The following MAP4K5 variants were observed in gnomAD, a reference collection of about 807,000 sequenced individuals.
The protein encoded by MAP4K5 is MAPK/ERK kinase kinase kinase 5.
MAP4K5 carries 82 observed loss-of-function variants against 135.6 expected under a neutral mutation model. The observed-to-expected ratio is 0.60, with a 90% CI of 0.51 to 0.73. The LOEUF is 0.73. Ranked by LOEUF, MAP4K5 falls within the 30% of genes least tolerant of loss-of-function variation. MAP4K5 has a pLI of 0.00. For missense variants in MAP4K5, 907 were observed against 1,010.9 expected (o/e 0.90, Z 1.39); for synonymous variants, 347 against 335.0 (o/e 1.04, Z -0.39).
chr14:50,446,076 C>T lies in MAP4K5; in HGVS notation c.1185+3G>A. On this transcript the variant is annotated splice_donor_region_variant and intron_variant, in intron 17 of 32. Transcript: ENST00000682126. ...TAGTGTTCAAAATCATTAAGTAGCT[C>T]ACCTTAGGAGGTAGGGGAGGTGGTA... is the stretch of plus-strand genomic sequence containing the variant. 1 of 1,540,328 alleles carries T rather than the reference C, an allele frequency of 6.5e-7. No individual in the cohort carries two copies. Among genetic ancestry groups the T allele is most frequent in the Non-Finnish European group, 8.7e-7 (1 of 1,144,670 alleles).
chr14:50,466,831 G>T (rs912763034), intron 10 of MAP4K5, among the ~76,000 whole-genome samples, 186 bp from the exon 11 acceptor site: 1 of 152,078 alleles, frequency 6.6e-6, no homozygotes, highest in Non-Finnish European at 1.5e-5. Flanking sequence ...CTTGACTACA[G>T]AGAAGATTTT....
At chr14:50,487,864 T>C (rs1361567160) in intron 3 of MAP4K5, among the ~76,000 whole-genome samples, 1 of 152,160 alleles carries the variant, frequency 6.6e-6, no homozygotes, top group Non-Finnish European at 1.5e-5. Flanking sequence ...TTTTCCATCA[T>C]AGCATTAAAA....
intron 30 of MAP4K5, among the ~76,000 whole-genome samples, chr14:50,427,874 T>A (rs9323185): frequency 0.99 from 151,415 of 152,376 alleles, 75,242 homozygotes; most frequent in Middle Eastern, 1. Context: ...ATAAAAATAG[T>A]TCCAAAAGCA....
chr14:50,451,638 T>C (rs562955972), intron 14 of MAP4K5, among the ~76,000 whole-genome samples: 97 of 152,206 alleles, frequency 6.4e-4, no homozygotes, highest in Non-Finnish European at 1.3e-3. Context: ...AATACTCATG[T>C]AGAAGAACTT....
Position 50,440,079 on chromosome 14 carries a change from AAAAAGAAGATAAT to A in MAP4K5, c.1645-19_1645-7del. The A allele has an allele frequency of 6.9e-7, 1 of 1,441,194 alleles. No individual in the cohort carries two copies. The highest frequency in any genetic ancestry group is 9.6e-7 in the Non-Finnish European group (1 of 1,047,006). 89.3% of individuals were successfully genotyped at this position (1,441,194 alleles called of 1,614,324 possible). ...GTACACTTCCGTGGAAATAACTAAG[AAAAAGAAGATAAT>A]TAAGATTCTCTCATTGTCATTATTT... On this transcript the variant is annotated splice_polypyrimidine_tract_variant and splice_region_variant and intron_variant, in intron 22 of 32. Transcript: ENST00000682126.
intron 12 of MAP4K5, 110 bp downstream of exon 12, chr14:50,463,942 T>G: frequency 4.8e-6 from 2 of 419,102 alleles, no homozygotes; most frequent in Non-Finnish European, 4.2e-6. Flanking sequence ...TGCTGACCCC[T>G]GCTGTAAGAG....
intron 6 of MAP4K5, among the ~76,000 whole-genome samples, chr14:50,476,721 C>G (rs2037108521): frequency 6.6e-6 from 1 of 152,236 alleles, no homozygotes; most frequent in Admixed American, 6.5e-5. Flanking sequence ...CTCAGCCTCC[C>G]AAAGTGGTGG....
intron 11 of MAP4K5, among the ~76,000 whole-genome samples, chr14:50,466,240 A>C (rs2036830232): frequency 6.6e-6 from 1 of 151,766 alleles, no homozygotes; most frequent in African/African-American, 2.4e-5. Context: ...AAACTTAGCC[A>C]GTTGTGGTGG....
At chr14:50,532,928 C>G (rs2038436964), upstream of MAP4K5, 1 of 152,300 alleles carries the variant, frequency 6.6e-6, no homozygotes, top group African/African-American at 2.4e-5. Flanking sequence ...CGTAGCCCTC[C>G]AAGTTAAACA....
At chr14:50,522,859 GATTTTTAGGC>G (rs1183772314) in intron 2 of MAP4K5, among the ~76,000 whole-genome samples, 2 of 152,160 alleles carry the variant, frequency 1.3e-5, no homozygotes, top group African/African-American at 4.8e-5. Context: ...ATTACCTTCA[GATTTTTAGGC>G]ATTGGACTAG....
intron 3 of MAP4K5, among the ~76,000 whole-genome samples, chr14:50,486,599 C>A (rs932605023): frequency 2.0e-5 from 3 of 152,018 alleles, no homozygotes; most frequent in East Asian, 1.9e-4. Context: ...CCTTTTTGGT[C>A]TGTATTTTAC....
intron 26 of MAP4K5, among the ~76,000 whole-genome samples, chr14:50,435,813 G>A (rs1373934829): frequency 3.3e-5 from 5 of 151,868 alleles, no homozygotes; most frequent in Admixed American, 3.3e-4. Context: ...AATTCATATT[G>A]CTCTTTCCTT....
intron 31 of MAP4K5, 81 bp from the exon 32 acceptor site, chr14:50,423,257 T>G: frequency 1.7e-6 from 1 of 601,942 alleles, no homozygotes; most frequent in Non-Finnish European, 3.0e-6. Flanking sequence ...TTAGAGCAAT[T>G]ATTAACACAA....
At chr14:50,422,467 A>T (rs1198848543) in intron 32 of MAP4K5, among the ~76,000 whole-genome samples, 1 of 152,098 alleles carries the variant, frequency 6.6e-6, no homozygotes, top group Non-Finnish European at 1.5e-5. Context: ...AATGCATACC[A>T]CTATAGCCAA....
At chr14:50,504,679 T>G (rs2037772567) in intron 3 of MAP4K5, 121 bp downstream of exon 3, 1 of 708,144 alleles carries the variant, frequency 1.4e-6, no homozygotes, top group Admixed American at 3.5e-5. Flanking sequence ...TTCAGGGTAA[T>G]TTAATTGAAG....
At chr14:50,521,836 T>C (rs1014125333) in intron 2 of MAP4K5, among the ~76,000 whole-genome samples, 1 of 152,188 alleles carries the variant, frequency 6.6e-6, no homozygotes, top group Non-Finnish European at 1.5e-5. Flanking sequence ...ATCTACCCTC[T>C]CAAACTTGAC....
intron 13 of MAP4K5, among the ~76,000 whole-genome samples, chr14:50,457,123 A>C (rs2036608688): frequency 6.6e-6 from 1 of 152,142 alleles, no homozygotes; most frequent in Non-Finnish European, 1.5e-5. Flanking sequence ...GTGGGGGTTG[A>C]TTATTATTTG....
At chr14:50,441,919 T>A (rs2036239148) in intron 21 of MAP4K5, among the ~76,000 whole-genome samples, 1 of 152,132 alleles carries the variant, frequency 6.6e-6, no homozygotes, top group African/African-American at 2.4e-5. Context: ...TAATAGCTTC[T>A]GTTTGCTAAT....
intron 1 of MAP4K5, among the ~76,000 whole-genome samples, chr14:50,549,534 A>G (rs1342564815): frequency 1.3e-5 from 2 of 152,226 alleles, no homozygotes; most frequent in African/African-American, 4.8e-5. Context: ...GGACACAACA[A>G]TGGGGCTACT....
Sources: gnomAD v4.1 joint callset for allele counts (sites outside exome capture counted in the v4.1 genomes callset) on GRCh38, gnomAD v4.1.1 for gene constraint, MANE v1.5 for transcripts, NCBI Gene and HGNC (gene_info 2026-07-23, HGNC 2026-07-21) for gene names.